The following ARHGAP26 variants were observed in gnomAD, a reference collection of about 807,000 sequenced individuals.
ARHGAP26 encodes Rho GTPase activating protein 26.
Under a neutral mutation model 104.8 loss-of-function variants are expected in ARHGAP26, and 38 were observed. That is an observed-to-expected ratio of 0.36 (90% CI 0.28 to 0.48). ARHGAP26 has a LOEUF of 0.48. Among genes scored for constraint, ARHGAP26 ranks in the 20% least tolerant of loss-of-function variants. ARHGAP26 has a pLI of 0.99. For synonymous variants in ARHGAP26, 341 were observed against 340.0 expected, an observed-to-expected ratio of 1.00 and a Z score of -0.03; for missense variants, 704 against 947.9, an observed-to-expected ratio of 0.74 and a Z score of 3.38.
At chr5:143,195,892 A>T (rs750991761) in intron 20 of ARHGAP26, among the ~76,000 whole-genome samples, 53 of 152,286 alleles carry the variant, frequency 3.5e-4, no homozygotes, top group Non-Finnish European at 6.0e-4. Flanking sequence ...AAAAGCACAA[A>T]AACTTTGCGT....
chr5:142,874,048 G>A (rs368950888), intron 2 of ARHGAP26, among the ~76,000 whole-genome samples: 2 of 152,116 alleles, frequency 1.3e-5, no homozygotes, highest in African/African-American at 2.4e-5. Context: ...TGAGCTATGC[G>A]TCTGCCACTG....
chr5:143,101,303 C>T (rs2150615177), intron 17 of ARHGAP26, among the ~76,000 whole-genome samples: 1 of 152,252 alleles, frequency 6.6e-6, no homozygotes, highest in South Asian at 2.1e-4. Flanking sequence ...TGTGTCATTT[C>T]TCTTTCTCAT....
intron 18 of ARHGAP26, among the ~76,000 whole-genome samples, chr5:143,124,136 A>G (rs1468953170): frequency 6.6e-6 from 1 of 152,252 alleles, no homozygotes; most frequent in Non-Finnish European, 1.5e-5. Flanking sequence ...ACAGGGCTAA[A>G]GTATATACCC....
intron 1 of ARHGAP26, chr5:142,772,696 C>G: frequency 3.8e-6 from 2 of 527,708 alleles, no homozygotes; most frequent in South Asian, 2.8e-5. Context: ...AGGACCAGAG[C>G]TTTTGAATCC....
chr5:143,099,006 A>G (rs1462892671), intron 17 of ARHGAP26, among the ~76,000 whole-genome samples: 8 of 152,232 alleles, frequency 5.3e-5, no homozygotes, highest in South Asian at 2.1e-4. Context: ...TATATGTCCA[A>G]TGAAAGACAC....
intron 11 of ARHGAP26, among the ~76,000 whole-genome samples, chr5:142,969,668 T>G (rs1432764190): frequency 6.6e-6 from 1 of 152,202 alleles, no homozygotes; most frequent in East Asian, 1.9e-4. Context: ...TTTAGAGTAG[T>G]GCTTCTTAAC....
chr5:142,916,669 A>G (rs1382638560), intron 10 of ARHGAP26, among the ~76,000 whole-genome samples: 1 of 152,208 alleles, frequency 6.6e-6, no homozygotes, highest in Non-Finnish European at 1.5e-5. Context: ...CTGAATGCTT[A>G]CCTGTATGGA....
chr5:143,095,946 A>C (rs1488692860), intron 17 of ARHGAP26, among the ~76,000 whole-genome samples: 2 of 152,388 alleles, frequency 1.3e-5, no homozygotes, highest in East Asian at 3.9e-4. Context: ...CGGAAAAGGA[A>C]GAAATATTTT....
chr5:142,952,163 C>CT (rs939869498), intron 11 of ARHGAP26, among the ~76,000 whole-genome samples: 21 of 152,060 alleles, frequency 1.4e-4, no homozygotes, highest in African/African-American at 1.9e-4. Flanking sequence ...CTTAATTACA[C>CT]TTTTTTTTCC....
intron 20 of ARHGAP26, among the ~76,000 whole-genome samples, chr5:143,191,858 C>G (rs1276612352): frequency 6.6e-6 from 1 of 152,202 alleles, no homozygotes; most frequent in African/African-American, 2.4e-5. Context: ...TTTGTCAGGC[C>G]TGTCTTAGGC....
intron 13 of ARHGAP26, among the ~76,000 whole-genome samples, chr5:143,038,921 C>T (rs1341053861): frequency 1.3e-5 from 2 of 151,956 alleles, no homozygotes; most frequent in Non-Finnish European, 2.9e-5. Context: ...GTCTCGATCT[C>T]CTGATCTTGT....
chr5:142,860,958 T>C (rs1201579990), intron 1 of ARHGAP26, among the ~76,000 whole-genome samples: 1 of 152,166 alleles, frequency 6.6e-6, no homozygotes, highest in East Asian at 1.9e-4. Flanking sequence ...AGATTTTGAT[T>C]GAGGGTGGGC....
intron 11 of ARHGAP26, among the ~76,000 whole-genome samples, chr5:142,944,734 A>G (rs1766852793): frequency 6.6e-6 from 1 of 152,242 alleles, no homozygotes; most frequent in African/African-American, 2.4e-5. Context: ...AGTGTCTGGC[A>G]CATGATTCAT....
In ARHGAP26 at chr5:143,039,612, C is replaced by T. The variant is rs76559484; in HGVS notation, c.1211-2204C>T. On this transcript the variant is annotated intron_variant, in intron 13 of 22. Coordinates refer to ENST00000645722, the MANE Select transcript of ARHGAP26 (RefSeq NM_001135608.3). ...AGAGGCACAAAAATGGAGCCAAAAG[C>T]GAGTCTAAAAAAAAAAAATCTCTTT... Among the ~76,000 whole-genome samples, 489 of 150,914 alleles carry T rather than the reference C, an allele frequency of 3.2e-3. 10 individuals carry two copies. The East Asian group carries it at 0.068, about 21-fold the overall frequency.
chr5:142,836,603 G>T (rs556592632), intron 1 of ARHGAP26, among the ~76,000 whole-genome samples: 28 of 152,338 alleles, frequency 1.8e-4, no homozygotes, highest in African/African-American at 6.5e-4. Context: ...TGTTTTCACA[G>T]AAGTTGTCTC....
At chr5:143,142,134 C>CTTTTTTTTTTTTTTTTT (rs762332039) in intron 19 of ARHGAP26, among the ~76,000 whole-genome samples, 3 of 105,370 alleles carry the variant, frequency 2.8e-5, no homozygotes, top group East Asian at 3.1e-4. Flanking sequence ...CTACTTTTCA[C>CTTTTTTTTTTTTTTTTT]TTTTTTTTTT....
chr5:143,091,783 T>C (rs1474744808), intron 17 of ARHGAP26, among the ~76,000 whole-genome samples: 1 of 152,248 alleles, frequency 6.6e-6, no homozygotes, highest in Non-Finnish European at 1.5e-5. Flanking sequence ...TTTATTTTAA[T>C]ATCCAGTTCA....
chr5:142,977,896 G>T (rs1452985203), intron 11 of ARHGAP26, among the ~76,000 whole-genome samples: 2 of 152,138 alleles, frequency 1.3e-5, no homozygotes, highest in Non-Finnish European at 2.9e-5. Context: ...TTCCTTCCTG[G>T]CTACATTCAC....
chr5:142,936,778 T>C (rs1765480759), intron 11 of ARHGAP26, among the ~76,000 whole-genome samples: 1 of 151,056 alleles, frequency 6.6e-6, no homozygotes, highest in Non-Finnish European at 1.5e-5. Flanking sequence ...GGAGGAAGGA[T>C]AGTTTTTTTG....
Sources: allele counts gnomAD v4.1 joint callset (sites outside exome capture counted in the v4.1 genomes callset), GRCh38; gene constraint gnomAD v4.1.1; transcripts MANE v1.5; gene names NCBI Gene and HGNC (gene_info 2026-07-23, HGNC 2026-07-21).